Variants in NSMCE2 observed in about 807,000 individuals in gnomAD.
The protein encoded by NSMCE2 is E3 SUMO-protein ligase NSE2.
Under a neutral mutation model 23.8 loss-of-function variants are expected in NSMCE2, and 24 were observed. The observed-to-expected ratio is 1.01, with a 90% confidence interval of 0.73 to 1.42. The LOEUF is 1.42. NSMCE2 is among the 40% of genes most tolerant of loss of function. The pLI is 0.00. For synonymous variants in NSMCE2, 92 were observed against 94.1 expected, an observed-to-expected ratio of 0.98 and a Z score of 0.13; for missense variants, 284 against 296.5, an observed-to-expected ratio of 0.96 and a Z score of 0.31.
intron 5 of NSMCE2, among the ~76,000 whole-genome samples, chr8:125,301,462 A>T (rs190493261): frequency 6.6e-6 from 1 of 152,050 alleles, no homozygotes; most frequent in Non-Finnish European, 1.5e-5. Flanking sequence ...ACCTCACTAC[A>T]TGGAGGTGGC....
At chr8:125,184,203 G>T (rs1822965311) in intron 5 of NSMCE2, among the ~76,000 whole-genome samples, 1 of 152,064 alleles carries the variant, frequency 6.6e-6, no homozygotes, top group Non-Finnish European at 1.5e-5. Context: ...AATATAAATT[G>T]TTCCTTCTTT....
At chr8:125,125,786 T>C (rs1184799813) in intron 3 of NSMCE2, among the ~76,000 whole-genome samples, 2 of 152,200 alleles carry the variant, frequency 1.3e-5, no homozygotes, top group African/African-American at 4.8e-5. Context: ...CAAAGGTCTT[T>C]ATCACTTGTT....
At chr8:125,190,860 T>G (rs1823312560) in intron 5 of NSMCE2, among the ~76,000 whole-genome samples, 1 of 152,158 alleles carries the variant, frequency 6.6e-6, no homozygotes, top group South Asian at 2.1e-4. Flanking sequence ...ACTTGCAGAC[T>G]TTATGTACAT....
intron 3 of NSMCE2, among the ~76,000 whole-genome samples, chr8:125,135,446 A>G (rs75835883): frequency 0.01 from 1,548 of 152,292 alleles, 17 homozygotes; most frequent in Non-Finnish European, 0.012. Context: ...TCTTGTATCT[A>G]AGAAATCTTT....
intron 5 of NSMCE2, among the ~76,000 whole-genome samples, chr8:125,256,288 A>G (rs1161880088): frequency 6.6e-6 from 1 of 151,964 alleles, no homozygotes; most frequent in Non-Finnish European, 1.5e-5. Flanking sequence ...TCTCAAAAAA[A>G]AAAAAAAAAA....
At chr8:125,150,231 A>G (rs1178098724) in intron 3 of NSMCE2, among the ~76,000 whole-genome samples, 1 of 152,058 alleles carries the variant, frequency 6.6e-6, no homozygotes, top group African/African-American at 2.4e-5. Flanking sequence ...TTATACAAAG[A>G]GTTGGGATCT....
chr8:125,163,493 G>A (rs943725659), intron 4 of NSMCE2, among the ~76,000 whole-genome samples: 4 of 152,158 alleles, frequency 2.6e-5, no homozygotes, highest in Non-Finnish European at 5.9e-5. Context: ...GACAAGTCAC[G>A]TAACTTCTGT....
intron 5 of NSMCE2, among the ~76,000 whole-genome samples, chr8:125,333,502 G>GTTTTTTTTTT (rs1308950464): frequency 2.6e-4 from 17 of 65,824 alleles, no homozygotes; most frequent in East Asian, 4.4e-4. Flanking sequence ...TTTCCTGGTG[G>GTTTTTTTTTT]TTCTTTTTTT....
Position 125,121,616 on chromosome 8 carries a change from A to G in NSMCE2, c.157+19129A>G, listed in dbSNP as rs540526528. Among the ~76,000 whole-genome samples, 5 of 152,348 alleles carry G rather than the reference A, an allele frequency of 3.3e-5. No individual in the cohort carries two copies. The East Asian group carries it at 9.6e-4, about 29-fold the overall frequency. Reference sequence around the variant, plus strand: ...CAAGAATCTGTGAATGTATTTTTACATTTTATGACCTAGCAGCCTGATTCT... The same window carrying G: ...CAAGAATCTGTGAATGTATTTTTACGTTTTATGACCTAGCAGCCTGATTCT... On this transcript the variant is annotated intron_variant, in intron 3 of 7. Coordinates refer to ENST00000287437, the MANE Select transcript of NSMCE2 (RefSeq NM_173685.4).
intron 5 of NSMCE2, among the ~76,000 whole-genome samples, chr8:125,190,838 T>C (rs939112269): frequency 6.6e-6 from 1 of 152,190 alleles, no homozygotes; most frequent in Non-Finnish European, 1.5e-5. Flanking sequence ...TTACCTCTGC[T>C]CAGGCTATTG....
At chr8:125,153,931 C>G (rs761006038) in intron 4 of NSMCE2, among the ~76,000 whole-genome samples, 7 of 152,040 alleles carry the variant, frequency 4.6e-5, no homozygotes, top group Non-Finnish European at 7.4e-5. Context: ...TGGCTTTGAC[C>G]TGTCCTATTC....
intron 5 of NSMCE2, among the ~76,000 whole-genome samples, chr8:125,246,593 T>C (rs1825973233): frequency 6.6e-6 from 1 of 152,154 alleles, no homozygotes; most frequent in Non-Finnish European, 1.5e-5. Context: ...AAAATGCAAA[T>C]TCCAGACATA....
intron 5 of NSMCE2, among the ~76,000 whole-genome samples, chr8:125,264,524 G>A (rs950307216): frequency 1.4e-4 from 21 of 151,806 alleles, no homozygotes; most frequent in Non-Finnish European, 1.9e-4. Context: ...CTCATTCCTC[G>A]GCCTCCTGAG....
At chr8:125,150,795 CA>C (rs1205230919) in intron 3 of NSMCE2, among the ~76,000 whole-genome samples, 1 of 152,132 alleles carries the variant, frequency 6.6e-6, no homozygotes, top group East Asian at 1.9e-4. Flanking sequence ...GTTTATGCAA[CA>C]GATATAAGAC....
chr8:125,264,596 G>T (rs1467613336), intron 5 of NSMCE2, among the ~76,000 whole-genome samples: 1 of 152,118 alleles, frequency 6.6e-6, no homozygotes, highest in South Asian at 2.1e-4. Context: ...TAGTAGAGAT[G>T]GGGTGTTTCA....
intron 5 of NSMCE2, among the ~76,000 whole-genome samples, chr8:125,222,554 A>G (rs893115994): frequency 1.3e-5 from 2 of 152,066 alleles, no homozygotes; most frequent in Admixed American, 1.3e-4. Context: ...GGTAACCACC[A>G]TGCTATTCTC....
At chr8:125,341,781 G>A (rs142590041) in intron 5 of NSMCE2, among the ~76,000 whole-genome samples, 25 of 151,340 alleles carry the variant, frequency 1.7e-4, no homozygotes, top group African/African-American at 5.3e-4. Context: ...GGGTCTTGCA[G>A]AGCACTCCTT....
chr8:125,315,455 A>T (rs1829142550), intron 5 of NSMCE2, among the ~76,000 whole-genome samples: 1 of 152,230 alleles, frequency 6.6e-6, no homozygotes, highest in South Asian at 2.1e-4. Flanking sequence ...TAGCTGAGTC[A>T]TCTTGCGTGT....
intron 4 of NSMCE2, among the ~76,000 whole-genome samples, chr8:125,170,239 C>T (rs2130762646): frequency 6.6e-6 from 1 of 152,154 alleles, no homozygotes; most frequent in South Asian, 2.1e-4. Context: ...ACCAGCTGTT[C>T]CTCCTGACTT....
Sources: allele counts gnomAD v4.1 joint callset (sites outside exome capture counted in the v4.1 genomes callset), GRCh38; gene constraint gnomAD v4.1.1; transcripts MANE v1.5; gene names NCBI Gene and HGNC (gene_info 2026-07-23, HGNC 2026-07-21).